Variants in MOBP observed in about 807,000 individuals in gnomAD.
MOBP encodes the protein myelin associated oligodendrocyte basic protein.
A neutral mutation model predicts 15.0 loss-of-function variants in MOBP; 5 were observed. The observed-to-expected ratio is 0.33, with a 90% CI of 0.17 to 0.70. The LOEUF (loss-of-function observed/expected upper bound fraction) is 0.70, where lower values mean the gene tolerates loss of function less well. MOBP is among the 30% of genes least tolerant of loss of function. MOBP has a pLI of 0.67. For synonymous variants in MOBP, 88 were observed against 99.0 expected (o/e 0.89, Z 0.66); for missense variants, 188 against 257.8 (o/e 0.73, Z 1.85).
chr3:39,487,396 A>G (rs1185737242), intron 2 of MOBP, among the ~76,000 whole-genome samples: 1 of 152,126 alleles, frequency 6.6e-6, no homozygotes, highest in Non-Finnish European at 1.5e-5. Context: ...TCTATTTTTG[A>G]ATAGAACTGT....
chr3:39,487,286 AT>A (rs1187223822), intron 2 of MOBP, among the ~76,000 whole-genome samples: 2 of 151,974 alleles, frequency 1.3e-5, no homozygotes, highest in African/African-American at 4.8e-5. Flanking sequence ...TTGCAAGTTA[AT>A]TTTATCAACA....
At chr3:39,526,256 A>T (rs1406438412), downstream of MOBP, 1 of 152,256 alleles carries the variant, frequency 6.6e-6, no homozygotes, top group Non-Finnish European at 1.5e-5. Flanking sequence ...AGTATAGTGC[A>T]TATTAATTCA....
At chr3:39,470,453 C>G (rs576632502) in intron 1 of MOBP, among the ~76,000 whole-genome samples, 1 of 152,316 alleles carries the variant, frequency 6.6e-6, no homozygotes, top group African/African-American at 2.4e-5. Flanking sequence ...GATCCAGAGA[C>G]TAGCCTATGA....
chr3:39,524,161 C>T (rs1353677802), intron 3 of MOBP: 1 of 152,164 alleles, frequency 6.6e-6, no homozygotes, highest in African/African-American at 2.4e-5. Flanking sequence ...TGGGGATGCA[C>T]AGATACAACC....
intron 4 of MOBP, among the ~76,000 whole-genome samples, chr3:39,513,222 C>T (rs989904107): frequency 3.3e-5 from 5 of 152,072 alleles, no homozygotes; most frequent in Admixed American, 3.3e-4. Flanking sequence ...TATTTTTGGC[C>T]AGAGACTACC....
chr3:39,522,087 G>T (rs1205595111), intron 3 of MOBP, among the ~76,000 whole-genome samples: 1 of 152,220 alleles, frequency 6.6e-6, no homozygotes, highest in Admixed American at 6.5e-5. Flanking sequence ...GAGGTGGTAT[G>T]TAAGGTGGTT....
intron 4 of MOBP, among the ~76,000 whole-genome samples, chr3:39,511,993 C>G (rs1027210659): frequency 2.6e-5 from 4 of 152,166 alleles, no homozygotes; most frequent in African/African-American, 9.7e-5. Context: ...AGGGTATTAT[C>G]TATTTCATTA....
chr3:39,484,303 G>A (rs925443432), intron 2 of MOBP, among the ~76,000 whole-genome samples: 1 of 152,208 alleles, frequency 6.6e-6, no homozygotes, highest in Non-Finnish European at 1.5e-5. Flanking sequence ...AATGGTGTGG[G>A]AGGTGAAGGA....
chr3:39,502,346 C>A lies in MOBP; in HGVS notation c.206+71C>A. On this transcript the variant is annotated intron_variant, in intron 3 of 3. Transcript: ENST00000684792. The surrounding 1 kb of genome is among the most constrained non-coding windows in gnomAD (Gnocchi z 6.3). ...GGTCTCGGCTCCCAGCACGCCCCTC[C>A]CGCTCCGCACCCCACTCTTCCCCCT... 2 of 1,596,536 alleles carry A rather than the reference C, an allele frequency of 1.3e-6. No homozygotes were observed. Among genetic ancestry groups the A allele is most frequent in the Non-Finnish European group, 8.5e-7 (1 of 1,171,868 alleles).
intron 4 of MOBP, among the ~76,000 whole-genome samples, chr3:39,508,925 C>T (rs933583256): frequency 6.6e-6 from 1 of 152,054 alleles, no homozygotes; most frequent in Non-Finnish European, 1.5e-5. Flanking sequence ...TGGGAAAACC[C>T]CAGCCTTGGA....
intron 2 of MOBP, among the ~76,000 whole-genome samples, chr3:39,486,088 AAAGAGTCT>A (rs1403604586): frequency 1.3e-5 from 2 of 152,172 alleles, no homozygotes; most frequent in African/African-American, 4.8e-5. Context: ...TTAGTTTATA[AAAGAGTCT>A]CTATGATTTG....
chr3:39,516,895 G>A (rs1007253287), downstream of MOBP, among the ~76,000 whole-genome samples: 2 of 152,170 alleles, frequency 1.3e-5, no homozygotes, highest in African/African-American at 4.8e-5. Context: ...ATTACAGGGA[G>A]ATGGACCTGT....
At chr3:39,503,521 C>T (rs2043006826), downstream of MOBP, among the ~76,000 whole-genome samples, 1 of 149,260 alleles carries the variant, frequency 6.7e-6, no homozygotes. Context: ...ACCATGAGAA[C>T]CATAAGCAGG....
intron 2 of MOBP, among the ~76,000 whole-genome samples, chr3:39,495,381 C>T (rs895838734): frequency 4.0e-5 from 6 of 151,714 alleles, no homozygotes; most frequent in African/African-American, 7.3e-5. Flanking sequence ...TGGCATGCAG[C>T]TGAAGTTGCA....
At chr3:39,485,654 G>C (rs1234223679) in intron 2 of MOBP, among the ~76,000 whole-genome samples, 1 of 152,180 alleles carries the variant, frequency 6.6e-6, no homozygotes, top group African/African-American at 2.4e-5. Context: ...GGTTCTTTCT[G>C]ACAGCCTGGG....
intron 4 of MOBP, among the ~76,000 whole-genome samples, chr3:39,510,869 A>G (rs1343011244): frequency 6.6e-6 from 1 of 152,234 alleles, no homozygotes; most frequent in Non-Finnish European, 1.5e-5. Context: ...ATTCTTGCCA[A>G]ATTGGCTCTC....
intron 2 of MOBP, among the ~76,000 whole-genome samples, chr3:39,490,013 TTAAA>T (rs1205836894): frequency 2.0e-5 from 3 of 152,232 alleles, no homozygotes; most frequent in Non-Finnish European, 4.4e-5. Context: ...ATATCAATAA[TTAAA>T]TAAGAATCAA....
At chr3:39,519,523 T>C (rs1020721681), downstream of MOBP, among the ~76,000 whole-genome samples, 8 of 135,732 alleles carry the variant, frequency 5.9e-5, no homozygotes, top group South Asian at 1.7e-3. Flanking sequence ...TTTTTTTTTT[T>C]CCAATTCTTG....
rs938066505 is a variant in MOBP, at chr3:39,475,584, CATTT to C, written c.-88-4444_-88-4441del. Among the ~76,000 whole-genome samples the C allele has an allele frequency of 3.6e-4, 55 of 152,194 alleles. 1 individual carries two copies. The highest frequency in any genetic ancestry group is 2.9e-3 in the Admixed American group (45 of 15,282). On this transcript the variant is annotated intron_variant, in intron 1 of 3. Coordinates refer to ENST00000684792, the MANE Select transcript of MOBP (RefSeq NM_001393704.1). ...TTAAGGAAGATTATCTCTTCTACTC[CATTT>C]ATTTATTTATTCAGTTATTTATTTA...
Sources: allele counts gnomAD v4.1 joint callset (sites outside exome capture counted in the v4.1 genomes callset), GRCh38; gene constraint gnomAD v4.1.1; non-coding constraint Gnocchi (gnomAD v3.1); transcripts MANE v1.5; gene names NCBI Gene and HGNC (gene_info 2026-07-23, HGNC 2026-07-21).